Variants in SH3KBP1 observed in about 807,000 individuals in gnomAD.
The protein encoded by SH3KBP1 is SH3 domain-containing kinase-binding protein 1.
SH3KBP1 carries 8 observed loss-of-function variants against 50.1 expected under a neutral mutation model. The ratio of observed to expected loss-of-function variants is 0.16; its 90% CI spans 0.09 to 0.29. The LOEUF is 0.29. Among genes scored for constraint, SH3KBP1 ranks in the 10% least tolerant of loss-of-function variants. The pLI, the probability that SH3KBP1 is intolerant of heterozygous loss-of-function variation, is 1.00. For synonymous variants in SH3KBP1, 227 were observed against 218.6 expected, an observed-to-expected ratio of 1.04 and a Z score of -0.34; for missense variants, 377 against 535.2, an observed-to-expected ratio of 0.70 and a Z score of 2.92.
chrX:19,696,759 CAAGT>C (rs1440998828), intron 4 of SH3KBP1, among the ~76,000 whole-genome samples: 1 of 111,675 alleles, frequency 9.0e-6, no homozygotes, highest in African/African-American at 3.3e-5. Context: ...TGAAAACAAG[CAAGT>C]ATTAAGTTAC....
intron 3 of SH3KBP1, among the ~76,000 whole-genome samples, chrX:19,717,419 T>C (rs192422090): frequency 9.0e-6 from 1 of 111,548 alleles, no homozygotes; most frequent in East Asian, 2.8e-4. Context: ...AATTAAAAAA[T>C]TAGCCAGGCA....
intron 3 of SH3KBP1, among the ~76,000 whole-genome samples, chrX:19,719,057 C>A (rs1050277025): frequency 9.0e-6 from 1 of 111,647 alleles, no homozygotes; most frequent in African/African-American, 3.3e-5. Flanking sequence ...TTCATTCAGC[C>A]GTGGGGGCCC....
intron 9 of SH3KBP1, among the ~76,000 whole-genome samples, chrX:19,601,252 G>T (rs969493903): frequency 9.0e-6 from 1 of 111,496 alleles, no homozygotes; most frequent in African/African-American, 3.3e-5. Flanking sequence ...GAAGGAAATA[G>T]ATATAAACGT....
In SH3KBP1 at chrX:19,887,418, G is replaced by A. The variant is rs1428140951; in HGVS notation, c.-108C>T. On this transcript the variant is annotated 5_prime_UTR_variant, in exon 1 of 18. Coordinates refer to ENST00000397821, the MANE Select transcript of SH3KBP1 (RefSeq NM_031892.3). Reference sequence around the variant, plus strand: ...CGCTGGGATCCAGGCGCGAGGGTCCGGACGCGGCGGCGGCTGGGCCGGCTT... The same window carrying A: ...CGCTGGGATCCAGGCGCGAGGGTCCAGACGCGGCGGCGGCTGGGCCGGCTT... The A allele has an allele frequency of 7.5e-6, 5 of 668,069 alleles. No individual in the cohort carries two copies. The highest frequency in any genetic ancestry group is 1.6e-4 in the South Asian group (2 of 12,241). 55.1% of individuals were successfully genotyped at this position (668,069 alleles called of 1,213,427 possible).
chrX:19,810,175 A>T lies in SH3KBP1; in HGVS notation c.162+25950T>A, dbSNP rs180802603. Among the ~76,000 whole-genome samples, 160 of 112,238 alleles carry T rather than the reference A, an allele frequency of 1.4e-3. 2 individuals carry two copies. The highest frequency in any genetic ancestry group is 5.2e-3 in the Admixed American group (55 of 10,598). On this transcript the variant is annotated intron_variant, in intron 2 of 17. Coordinates refer to ENST00000397821, the MANE Select transcript of SH3KBP1 (RefSeq NM_031892.3). The stretch of plus-strand genomic sequence containing the variant: ...CAATCCCTGCCATCAGGACAGACAC[A>T]GGGATGGGTCACAGGGCTGAGTCCA...
At chrX:19,713,995 T>C (rs1227343246) in intron 3 of SH3KBP1, among the ~76,000 whole-genome samples, 1 of 112,318 alleles carries the variant, frequency 8.9e-6, no homozygotes, top group Non-Finnish European at 1.9e-5. Flanking sequence ...CCCAATGGAA[T>C]GCTACTCAGC....
chrX:19,755,436 G>A (rs1027799192), intron 2 of SH3KBP1, among the ~76,000 whole-genome samples: 3 of 111,365 alleles, frequency 2.7e-5, no homozygotes, highest in Non-Finnish European at 5.7e-5. Flanking sequence ...CAACAACAAC[G>A]ACAAAATTCA....
intron 5 of SH3KBP1, among the ~76,000 whole-genome samples, chrX:19,689,073 C>A (rs2063228882): frequency 1.8e-5 from 2 of 111,994 alleles, no homozygotes; most frequent in Admixed American, 1.9e-4. Flanking sequence ...GGTGGTATAC[C>A]CTCCTTTTGA....
chrX:19,847,137 A>G (rs1161201768), intron 1 of SH3KBP1, among the ~76,000 whole-genome samples: 1 of 111,388 alleles, frequency 9.0e-6, no homozygotes, highest in Non-Finnish European at 1.9e-5. Flanking sequence ...ATACTTTCTC[A>G]TAAGAGAGAT....
intron 2 of SH3KBP1, among the ~76,000 whole-genome samples, chrX:19,754,058 GTCTATTACCATGT>G (rs1193681293): frequency 1.8e-5 from 2 of 112,169 alleles, no homozygotes; most frequent in Admixed American, 1.9e-4. Context: ...AATGTAACAG[GTCTATTACCATGT>G]TCTATGTCAA....
At position 19,646,610 on chromosome X, in the gene SH3KBP1, A is replaced by G. The variant is rs749460983; in HGVS notation, c.727-1135T>C. Among the ~76,000 whole-genome samples, 10 of 112,655 alleles carry G rather than the reference A, an allele frequency of 8.9e-5. No homozygotes were observed. The East Asian group carries it at 2.8e-3, about 31-fold the overall frequency. On this transcript the variant is annotated intron_variant, in intron 6 of 17. Transcript: ENST00000397821. ...GAACACATGAAGAGGAATGAACTGC[A>G]TAATTCAAAAACTGGCATGGTAGAA...
chrX:19,697,290 T>C (rs112442283), intron 4 of SH3KBP1, among the ~76,000 whole-genome samples: 24 of 112,424 alleles, frequency 2.1e-4, no homozygotes, highest in African/African-American at 7.7e-4. Flanking sequence ...GCTAAAATAA[T>C]TTAAACAAAA....
chrX:19,792,520 G>A (rs1348984658), intron 2 of SH3KBP1, among the ~76,000 whole-genome samples: 1 of 111,160 alleles, frequency 9.0e-6, no homozygotes, highest in Non-Finnish European at 1.9e-5. Flanking sequence ...CCACGGAAGA[G>A]AATTCAACAT....
chrX:19,773,494 A>AACACACAC (rs749894154), intron 2 of SH3KBP1, among the ~76,000 whole-genome samples: 2 of 94,499 alleles, frequency 2.1e-5, no homozygotes, highest in African/African-American at 7.7e-5. Flanking sequence ...CACACACACA[A>AACACACAC]ACACACACAC....
intron 6 of SH3KBP1, among the ~76,000 whole-genome samples, chrX:19,650,695 A>G (rs1164652062): frequency 2.7e-5 from 3 of 112,643 alleles, no homozygotes; most frequent in Non-Finnish European, 5.6e-5. Flanking sequence ...CAACACTGGT[A>G]TCTGAGAGGA....
intron 3 of SH3KBP1, among the ~76,000 whole-genome samples, chrX:19,725,840 G>A (rs948596412): frequency 8.9e-6 from 1 of 112,289 alleles, no homozygotes; most frequent in Admixed American, 9.4e-5. Context: ...AGAAACCTGG[G>A]CCCTGACAAG....
chrX:19,698,347 C>G (rs758486730), intron 4 of SH3KBP1, among the ~76,000 whole-genome samples: 1 of 111,901 alleles, frequency 8.9e-6, no homozygotes, highest in African/African-American at 3.2e-5. Context: ...ATAAGTGGCT[C>G]CTGCCCAAGA....
At chrX:19,650,175 A>G (rs188146477) in intron 6 of SH3KBP1, among the ~76,000 whole-genome samples, 31 of 112,206 alleles carry the variant, frequency 2.8e-4, no homozygotes, top group African/African-American at 9.4e-4. Context: ...GGCAGCTATT[A>G]TAAGAAGAAG....
intron 2 of SH3KBP1, among the ~76,000 whole-genome samples, chrX:19,805,802 T>C (rs999144726): frequency 1.8e-5 from 2 of 111,718 alleles, no homozygotes; most frequent in African/African-American, 6.5e-5. Flanking sequence ...TTAATGTCTC[T>C]GGTCCCTGGG....
Sources: allele counts gnomAD v4.1 joint callset (sites outside exome capture counted in the v4.1 genomes callset), GRCh38; gene constraint gnomAD v4.1.1; transcripts MANE v1.5; gene names NCBI Gene and HGNC (gene_info 2026-07-23, HGNC 2026-07-21).